The following MSH3 variants were observed in gnomAD, a reference collection of about 807,000 sequenced individuals.
The protein encoded by MSH3 is DNA mismatch repair protein Msh3.
MSH3 carries 106 observed loss-of-function variants against 123.3 expected under a neutral mutation model. That is an observed-to-expected ratio of 0.86 (90% confidence interval 0.73 to 1.01). The LOEUF is 1.01. Ranked by LOEUF, MSH3 falls within the 50% of genes least tolerant of loss-of-function variation. The probability of loss-of-function intolerance (pLI) is 0.00; values close to 1 mark genes in which losing one functional copy is unlikely to be tolerated. For missense variants in MSH3, 1,459 were observed against 1,347.6 expected (o/e 1.08, Z -1.29); for synonymous variants, 515 against 481.4 (o/e 1.07, Z -0.91).
At chr5:80,846,326 T>C (rs1007111627) in intron 20 of MSH3, among the ~76,000 whole-genome samples, 2 of 151,832 alleles carry the variant, frequency 1.3e-5, no homozygotes, top group Non-Finnish European at 2.9e-5. Flanking sequence ...CGGTCCCTAC[T>C]GGGAGGTGTC....
At position 80,792,794 on chromosome 5, in the gene MSH3, G is replaced by A; in HGVS notation, c.2605G>A (p.Val869Met). The A allele has an allele frequency of 6.2e-7, 1 of 1,613,484 alleles. No homozygotes were observed. The highest frequency in any genetic ancestry group is 2.2e-5 in the East Asian group (1 of 44,784). Residue 869 changes from valine to methionine, a missense_variant, in exon 19 of 24, where the codon GTG becomes ATG. Val to Met is a conservative substitution (Grantham distance 21). Coordinates refer to ENST00000265081, the MANE Select transcript of MSH3 (RefSeq NM_002439.5). ...IKNGRHPVID[V>M]LLGEQDQYVP... ...AAATGGAAGGCACCCTGTGATTGAT[G>A]TGTTGCTGGGAGAACAGGATCAATA...
chr5:80,760,715 G>T (rs186799951), intron 12 of MSH3, among the ~76,000 whole-genome samples: 192 of 152,342 alleles, frequency 1.3e-3, no homozygotes, highest in African/African-American at 4.4e-3. Flanking sequence ...ATTGGTAACA[G>T]ATCCGGGAAT....
intron 20 of MSH3, among the ~76,000 whole-genome samples, chr5:80,841,339 A>G (rs923267033): frequency 8.5e-5 from 13 of 152,156 alleles, no homozygotes; most frequent in African/African-American, 3.1e-4. Context: ...AGCCTTTGCT[A>G]TTGTGAATAG....
At chr5:80,785,389 A>C (rs1744487071) in intron 17 of MSH3, among the ~76,000 whole-genome samples, 1 of 152,156 alleles carries the variant, frequency 6.6e-6, no homozygotes, top group African/African-American at 2.4e-5. Flanking sequence ...GAGAAATGCA[A>C]ATCAAAACCA....
At chr5:80,718,709 G>A (rs1200499342) in intron 8 of MSH3, among the ~76,000 whole-genome samples, 1 of 151,496 alleles carries the variant, frequency 6.6e-6, no homozygotes, top group Admixed American at 6.6e-5. Flanking sequence ...TCATTGGGAG[G>A]CATATAATTA....
chr5:80,869,231 G>T (rs1746157178), intron 22 of MSH3, among the ~76,000 whole-genome samples: 1 of 152,140 alleles, frequency 6.6e-6, no homozygotes, highest in Non-Finnish European at 1.5e-5. Flanking sequence ...AGAGAAGTTT[G>T]GCTTAAATAT....
intron 8 of MSH3, among the ~76,000 whole-genome samples, chr5:80,704,672 CTT>C (rs1750680134): frequency 6.6e-6 from 1 of 152,154 alleles, no homozygotes; most frequent in African/African-American, 2.4e-5. Flanking sequence ...GAGATTTTCA[CTT>C]TGCAAACTTT....
At chr5:80,814,809 A>T (rs935121364) in intron 20 of MSH3, among the ~76,000 whole-genome samples, 1 of 152,238 alleles carries the variant, frequency 6.6e-6, no homozygotes, top group African/African-American at 2.4e-5. Context: ...CATTACATGC[A>T]ACTGACTAAG....
At chr5:80,746,612 G>T (rs1031589973) in intron 12 of MSH3, 1 of 350,272 alleles carries the variant, frequency 2.9e-6, no homozygotes. Flanking sequence ...CATCATCCTC[G>T]GGAGGAGGAC....
chr5:80,700,134 C>G (rs575461146), intron 8 of MSH3, among the ~76,000 whole-genome samples: 2 of 152,270 alleles, frequency 1.3e-5, no homozygotes, highest in Admixed American at 6.5e-5. Flanking sequence ...AATCCGAGCA[C>G]TTTGGGAGGC....
chr5:80,761,481 G>T, intron 12 of MSH3, 65 bp from the exon 13 acceptor site: 3 of 1,588,170 alleles, frequency 1.9e-6, no homozygotes, highest in Non-Finnish European at 2.6e-6. Flanking sequence ...GGGCATTAGA[G>T]TGGGAAATGT....
intron 19 of MSH3, among the ~76,000 whole-genome samples, chr5:80,810,168 C>CATATATATATAT (rs1461060092): frequency 3.1e-5 from 1 of 32,036 alleles, no homozygotes; most frequent in Non-Finnish European, 6.4e-5. Context: ...TTTTGTTTGA[C>CATATATATATAT]ATACATATAT....
At position 80,813,888 on chromosome 5, in the gene MSH3, C is replaced by T. The variant is rs547723039; in HGVS notation, c.2813+147C>T. 86 of 884,364 alleles carry T rather than the reference C, an allele frequency of 9.7e-5. 2 individuals carry two copies. The highest frequency in any genetic ancestry group is 6.0e-4 in the Middle Eastern group (2 of 3,328). 54.8% of individuals were successfully genotyped at this position (884,364 alleles called of 1,614,324 possible). ...AAATAAATTATTTCAAGGCCGGGCA[C>T]GGTGGCTCACACCTGTGATCCCAGC... On this transcript the variant is annotated intron_variant, in intron 20 of 23. Transcript: ENST00000265081.
intron 20 of MSH3, among the ~76,000 whole-genome samples, chr5:80,845,897 A>G (rs1037045940): frequency 2.0e-5 from 3 of 152,062 alleles, no homozygotes; most frequent in African/African-American, 7.2e-5. Flanking sequence ...TCTGAAGCCT[A>G]CTTCTGTCAA....
At chr5:80,851,877 T>C (rs1010978855) in intron 20 of MSH3, among the ~76,000 whole-genome samples, 3 of 152,222 alleles carry the variant, frequency 2.0e-5, no homozygotes, top group African/African-American at 7.2e-5. Flanking sequence ...ACCTCTGTCA[T>C]ATACAAAATG....
chr5:80,821,044 A>G (rs140402017), intron 20 of MSH3, among the ~76,000 whole-genome samples: 1 of 152,306 alleles, frequency 6.6e-6, no homozygotes, highest in Non-Finnish European at 1.5e-5. Context: ...TAATCATGAT[A>G]CTTATATTTC....
intron 20 of MSH3, among the ~76,000 whole-genome samples, chr5:80,841,337 C>T (rs554425932): frequency 6.6e-6 from 1 of 152,332 alleles, no homozygotes; most frequent in South Asian, 2.1e-4. Flanking sequence ...CAAGCCTTTG[C>T]TATTGTGAAT....
intron 19 of MSH3, among the ~76,000 whole-genome samples, chr5:80,795,479 G>C (rs185096195): frequency 2.6e-5 from 4 of 152,158 alleles, no homozygotes; most frequent in African/African-American, 9.6e-5. Context: ...TGGTGGAATG[G>C]GTAAAGGGTC....
At position 80,675,006 on chromosome 5, in the gene MSH3, G is replaced by A. The variant is rs373961048; in HGVS notation, c.1051G>A (p.Asp351Asn). 36 of 1,610,160 alleles carry A rather than the reference G, an allele frequency of 2.2e-5. No individual in the cohort carries two copies. The highest frequency in any genetic ancestry group is 1.0e-5 in the Non-Finnish European group (12 of 1,176,854). The change falls in exon 7 of 24, where the codon GAT becomes AAT. Residue 351 changes from aspartate (D) to asparagine (N), a missense_variant. Coordinates refer to ENST00000265081, the MANE Select transcript of MSH3 (RefSeq NM_002439.5). Reference protein sequence around the residue: ...GEDVNPLIKLDDAVNVDEIMT... With the variant: ...GEDVNPLIKLNDAVNVDEIMT... The stretch of plus-strand genomic sequence containing the variant: ...AAATGTGAATCCCCTAATCAAGCTG[G>A]ATGATGCTGTAAATGTTGATGAGAT...
Sources: gnomAD v4.1 joint callset for allele counts (sites outside exome capture counted in the v4.1 genomes callset) on GRCh38, gnomAD v4.1.1 for gene constraint, MANE v1.5 for transcripts, NCBI Gene and HGNC (gene_info 2026-07-23, HGNC 2026-07-21) for gene names.